The following DENND2B variants were observed in gnomAD, a reference collection of about 807,000 sequenced individuals.
DENND2B encodes DENN domain-containing protein 2B.
A neutral mutation model predicts 116.0 loss-of-function variants in DENND2B; 32 were observed. That is an observed-to-expected ratio of 0.28 (90% CI 0.21 to 0.37). DENND2B has a LOEUF of 0.37. Ranked by LOEUF, DENND2B falls within the 10% of genes least tolerant of loss-of-function variation. The probability of loss-of-function intolerance (pLI) is 1.00; values close to 1 mark genes in which losing one functional copy is unlikely to be tolerated. For missense variants in DENND2B, 1,276 were observed against 1,477.7 expected (o/e 0.86, Z 2.24); for synonymous variants, 588 against 583.9 (o/e 1.01, Z -0.10).
intron 2 of DENND2B, among the ~76,000 whole-genome samples, chr11:8,734,085 C>G (rs1034892128): frequency 2.0e-5 from 3 of 152,154 alleles, no homozygotes; most frequent in Non-Finnish European, 4.4e-5. Flanking sequence ...GTCACTCATT[C>G]CAAGGTCTGG....
intron 1 of DENND2B, among the ~76,000 whole-genome samples, chr11:8,790,547 T>C (rs1394775225): frequency 6.6e-6 from 1 of 152,102 alleles, no homozygotes; most frequent in Non-Finnish European, 1.5e-5. Context: ...GGTAAGAGGA[T>C]CACTTGAGCC....
rs750174240 is a variant in DENND2B at position 8,730,182 on chromosome 11, T to C, written c.1108A>G (p.Ser370Gly). 18 of 1,613,884 alleles carry C rather than the reference T, an allele frequency of 1.1e-5. No homozygotes were observed. The highest frequency in any genetic ancestry group is 8.0e-5 in the African/African-American group (6 of 74,938). The stretch of plus-strand genomic sequence containing the variant: ...CTCTTCGATGGCAGCCGCTGGGAGC[T>C]AGGGCTATTTCCAGGGGTCCCGGGC... ...TKPGTPGNSP[S>G]SQRLPSKSSL... Residue 370 changes from serine (S) to glycine (G), a missense_variant, in exon 3 of 20, where the codon AGC (serine) becomes GGC (glycine). By Grantham distance (56) the Ser-to-Gly change is moderately conservative. Coordinates refer to ENST00000313726, the MANE Select transcript of DENND2B (RefSeq NM_213618.2). The surrounding 1 kb of genome is among the most constrained non-coding windows in gnomAD (Gnocchi z 4.1).
intron 4 of DENND2B, among the ~76,000 whole-genome samples, chr11:8,823,152 AAT>A (rs971405304): frequency 9.9e-5 from 15 of 152,216 alleles, no homozygotes; most frequent in Non-Finnish European, 1.3e-4. Flanking sequence ...ATTTGTATAT[AAT>A]ATATATATCA....
intron 2 of DENND2B, among the ~76,000 whole-genome samples, chr11:8,880,563 G>C (rs2063893596): frequency 6.6e-6 from 1 of 152,156 alleles, no homozygotes; most frequent in African/African-American, 2.4e-5. Context: ...CAGCACTAAA[G>C]CTGCCTGACA....
intron 1 of DENND2B, among the ~76,000 whole-genome samples, chr11:8,780,969 T>C (rs2058312223): frequency 6.6e-6 from 1 of 151,946 alleles, no homozygotes; most frequent in African/African-American, 2.4e-5. Context: ...GAGCCAGCTC[T>C]TGGGAGGGGA....
In DENND2B at chr11:8,839,862, C is replaced by T. The variant is rs1036567645; in HGVS notation, c.-155-512G>A. 2.6e-5 allele frequency among the ~76,000 whole-genome samples: 4 copies of T among 152,254 alleles called. No individual in the cohort carries two copies. In the South Asian group the frequency reaches 8.3e-4, roughly 32 times the overall value. ...GGAGTGCTGATAACTACAGCAGAGA[C>T]AGGAGAATGAGAAAAGGACTAAGAG... On this transcript the variant is annotated intron_variant, in intron 3 of 6. Transcript: ENST00000524757.
intron 3 of DENND2B, 111 bp downstream of exon 3, chr11:8,729,839 A>T: frequency 2.9e-6 from 4 of 1,378,920 alleles, no homozygotes; most frequent in Non-Finnish European, 4.0e-6. Context: ...AGCACTTCAG[A>T]GCTTACGAAG....
At chr11:8,790,307 A>G (rs1205824286) in intron 1 of DENND2B, among the ~76,000 whole-genome samples, 1 of 152,208 alleles carries the variant, frequency 6.6e-6, no homozygotes, top group Non-Finnish European at 1.5e-5. Context: ...CTAGGGTGGC[A>G]TAAACTGCAA....
intron 1 of DENND2B, among the ~76,000 whole-genome samples, chr11:8,780,827 G>A (rs2134252434): frequency 6.6e-6 from 1 of 152,338 alleles, no homozygotes; most frequent in East Asian, 1.9e-4. Context: ...GGAGGGACAA[G>A]GGAGAGAGAG....
chr11:8,824,447 C>T (rs191938770), intron 4 of DENND2B, among the ~76,000 whole-genome samples: 48 of 152,212 alleles, frequency 3.2e-4, no homozygotes, highest in African/African-American at 8.2e-4. Context: ...TGAGAACATG[C>T]GGTATTTGGT....
chr11:8,890,816 T>A (rs1183411795), intron 1 of DENND2B, among the ~76,000 whole-genome samples: 1 of 152,220 alleles, frequency 6.6e-6, no homozygotes, highest in African/African-American at 2.4e-5. Context: ...GAAAACACTC[T>A]GCAGGATATT....
chr11:8,747,357 A>G (rs566542713), intron 2 of DENND2B, among the ~76,000 whole-genome samples: 5 of 152,310 alleles, frequency 3.3e-5, no homozygotes, highest in African/African-American at 1.2e-4. Context: ...CTGTGGAGGA[A>G]ATCAGCAGGT....
chr11:8,906,316 C>T (rs1222630999), intron 1 of DENND2B, among the ~76,000 whole-genome samples: 1 of 148,954 alleles, frequency 6.7e-6, no homozygotes, highest in African/African-American at 2.5e-5. Flanking sequence ...CGCCGTTCTC[C>T]TGCCTCAGCC....
chr11:8,766,697 G>A (rs765103012), intron 1 of DENND2B: 60 of 1,287,216 alleles, frequency 4.7e-5, no homozygotes, highest in Non-Finnish European at 6.1e-5. Flanking sequence ...CTTCCTTGAA[G>A]TCATAATCCT....
intron 1 of DENND2B, among the ~76,000 whole-genome samples, chr11:8,896,426 G>A (rs892591686): frequency 6.6e-6 from 1 of 152,156 alleles, no homozygotes; most frequent in African/African-American, 2.4e-5. Context: ...GAAAACTGCT[G>A]GATCTGTCGG....
At chr11:8,822,579 T>A (rs1329456254) in intron 4 of DENND2B, among the ~76,000 whole-genome samples, 1 of 152,222 alleles carries the variant, frequency 6.6e-6, no homozygotes, top group Non-Finnish European at 1.5e-5. Context: ...TGAGATAGGA[T>A]TTAAAACTGT....
chr11:8,860,043 GA>G (rs2063341947), intron 2 of DENND2B, among the ~76,000 whole-genome samples: 1 of 152,138 alleles, frequency 6.6e-6, no homozygotes, highest in South Asian at 2.1e-4. Context: ...AACTTAGGAA[GA>G]AAAGAGGGAA....
At position 8,901,229 on chromosome 11, in the gene DENND2B, C is replaced by CTTTT. The variant is rs1555223231; in HGVS notation, c.-256+9588_-256+9591dup. Among the ~76,000 whole-genome samples the CTTTT allele has an allele frequency of 3.3e-3, 279 of 83,924 alleles. 2 individuals are homozygous for CTTTT. Among genetic ancestry groups the CTTTT allele is most frequent in the Non-Finnish European group, 5.2e-3 (234 of 45,244 alleles). The allele number at this position is 83,924 out of a possible 152,430, so 55.1% of individuals were successfully genotyped here. ...CTTTTTCTTTCTTTTCTTTTCTTTT[C>CTTTT]TTTTTTTTTTTTTTTTTTGAGATGG... On this transcript the variant is annotated intron_variant, in intron 1 of 22. Transcript: ENST00000534127.
chr11:8,730,275 C>T lies in DENND2B; in HGVS notation c.1015G>A (p.Val339Ile). ...GASVSAGSRA[V>I]GVAGVAGEAG... ...TCCCCCGCAACACCAGCCACTCCGA[C>T]TGCCCGGCTGCCAGCGCTCACACTC... The change falls in exon 3 of 20, where the codon GTC becomes ATC. Residue 339 changes from valine to isoleucine, a missense_variant. Physicochemically the swap from Val to Ile is conservative, Grantham distance 29 (BLOSUM62 3). This residue lies in a region of DENND2B where 856 missense variants were observed against 846.6 expected (regional missense o/e 1.01). Coordinates refer to ENST00000313726, the MANE Select transcript of DENND2B (RefSeq NM_213618.2). The surrounding 1 kb of genome is among the most constrained non-coding windows in gnomAD (Gnocchi z 4.1). 4.3e-6 allele frequency: 7 copies of T among 1,609,768 alleles called. No individual in the cohort carries two copies. Among genetic ancestry groups the T allele is most frequent in the Non-Finnish European group, 5.1e-6 (6 of 1,179,186 alleles).
Sources: allele counts gnomAD v4.1 joint callset (sites outside exome capture counted in the v4.1 genomes callset), GRCh38; gene constraint gnomAD v4.1.1; regional missense constraint gnomAD v4.1.1; non-coding constraint Gnocchi (gnomAD v3.1); transcripts MANE v1.5; gene names NCBI Gene and HGNC (gene_info 2026-07-23, HGNC 2026-07-21).